Variants in LPP observed in about 807,000 individuals in gnomAD.
LPP encodes the protein LIM domain containing preferred translocation partner in lipoma.
Under a neutral mutation model 60.4 loss-of-function variants are expected in LPP, and 38 were observed. That is an observed-to-expected ratio of 0.63 (90% CI 0.49 to 0.83). LPP has a LOEUF of 0.83. Among genes scored for constraint, LPP ranks in the 40% least tolerant of loss-of-function variants. The probability of loss-of-function intolerance (pLI) is 0.00; values close to 1 mark genes in which losing one functional copy is unlikely to be tolerated. For synonymous variants in LPP, 328 were observed against 290.8 expected (o/e 1.13, Z -1.30); for missense variants, 902 against 783.6 (o/e 1.15, Z -1.80).
At chr3:188,624,220 A>ATTGTT (rs1304978410) in intron 7 of LPP, among the ~76,000 whole-genome samples, 3 of 152,200 alleles carry the variant, frequency 2.0e-5, no homozygotes, top group Admixed American at 2.0e-4. Context: ...CAGGACTAAC[A>ATTGTT]TTGTTTTGTA....
At chr3:188,784,237 C>T (rs1000889210) in intron 9 of LPP, among the ~76,000 whole-genome samples, 1 of 151,004 alleles carries the variant, frequency 6.6e-6, no homozygotes, top group African/African-American at 2.4e-5. Context: ...ATCCAGGTCA[C>T]TGTGAATGCC....
intron 9 of LPP, among the ~76,000 whole-genome samples, chr3:188,853,313 A>G (rs1763100615): frequency 6.6e-6 from 1 of 152,194 alleles, no homozygotes; most frequent in Non-Finnish European, 1.5e-5. Flanking sequence ...ATCTTTGAAA[A>G]TTACAACTTG....
intron 3 of LPP, among the ~76,000 whole-genome samples, chr3:188,372,588 C>T (rs1011059159): frequency 6.6e-6 from 1 of 151,804 alleles, no homozygotes; most frequent in African/African-American, 2.4e-5. Context: ...GATTAGTGTT[C>T]CCCTGGGCTT....
chr3:188,724,707 T>A (rs1436665587), intron 8 of LPP, among the ~76,000 whole-genome samples: 5 of 152,192 alleles, frequency 3.3e-5, no homozygotes, highest in Non-Finnish European at 5.9e-5. Flanking sequence ...GTAGCAATAT[T>A]TATGTCCAGA....
intron 2 of LPP, among the ~76,000 whole-genome samples, chr3:188,267,839 C>T (rs1050323919): frequency 2.0e-5 from 3 of 152,134 alleles, no homozygotes; most frequent in African/African-American, 2.4e-5. Flanking sequence ...AGCCCCAGGA[C>T]CCCCCAGACC....
chr3:188,623,955 G>C (rs370661172), intron 7 of LPP, among the ~76,000 whole-genome samples: 2 of 152,140 alleles, frequency 1.3e-5, no homozygotes, highest in African/African-American at 4.8e-5. Context: ...GGCAAGGCGA[G>C]GGGTGTATTT....
chr3:188,725,948 C>T (rs530862774), intron 8 of LPP, among the ~76,000 whole-genome samples: 2 of 152,046 alleles, frequency 1.3e-5, no homozygotes, highest in East Asian at 1.9e-4. Context: ...GAGACCAACA[C>T]CAAAAAAAGT....
chr3:188,371,658 T>A (rs1369830833), intron 3 of LPP, among the ~76,000 whole-genome samples: 3 of 95,760 alleles, frequency 3.1e-5, no homozygotes, highest in East Asian at 3.6e-4. Context: ...TTTTTTTTTT[T>A]TTTTTTTTTT....
At chr3:188,563,460 A>G (rs1473225) in intron 6 of LPP, among the ~76,000 whole-genome samples, 65,614 of 141,964 alleles carry the variant, frequency 0.46, 15,671 homozygotes, top group East Asian at 0.92. Context: ...TTACATATAT[A>G]TGTGTGTGTG....
At chr3:188,791,964 G>T (rs974357816) in intron 9 of LPP, among the ~76,000 whole-genome samples, 1 of 152,106 alleles carries the variant, frequency 6.6e-6, no homozygotes, top group African/African-American at 2.4e-5. Flanking sequence ...CATAGTAGAT[G>T]CTCTATTAGT....
At chr3:188,859,089 T>TA (rs35722501) in intron 9 of LPP, among the ~76,000 whole-genome samples, 218 of 103,916 alleles carry the variant, frequency 2.1e-3, no homozygotes, top group East Asian at 3.4e-3. Flanking sequence ...ACTCTGTCTT[T>TA]AAAAAAAAAA....
intron 2 of LPP, among the ~76,000 whole-genome samples, chr3:188,272,179 G>C (rs1302680625): frequency 6.6e-6 from 1 of 152,160 alleles, no homozygotes; most frequent in African/African-American, 2.4e-5. Flanking sequence ...GCAATTTGAG[G>C]CCTTCATTTC....
intron 3 of LPP, among the ~76,000 whole-genome samples, chr3:188,353,188 A>G (rs1766462670): frequency 6.6e-6 from 1 of 152,138 alleles, no homozygotes; most frequent in Non-Finnish European, 1.5e-5. Context: ...GGTCCTCGGG[A>G]GCAGAAATTG....
intron 3 of LPP, among the ~76,000 whole-genome samples, chr3:188,378,966 A>G (rs976672286): frequency 2.0e-5 from 3 of 152,150 alleles, no homozygotes; most frequent in Admixed American, 2.0e-4. Flanking sequence ...GAGAAGGGGA[A>G]GGGTGTGGGC....
At chr3:188,700,612 G>T (rs139475364) in intron 7 of LPP, among the ~76,000 whole-genome samples, 20 of 152,250 alleles carry the variant, frequency 1.3e-4, no homozygotes, top group African/African-American at 4.8e-4. Context: ...GTGTGTTCTT[G>T]ATTTCATGCC....
chr3:188,334,867 G>GATAAT (rs1761210901), intron 2 of LPP, among the ~76,000 whole-genome samples: 1 of 151,936 alleles, frequency 6.6e-6, no homozygotes, highest in Non-Finnish European at 1.5e-5. Flanking sequence ...TTTTGTCTCT[G>GATAAT]ATAATAGCTA....
At chr3:188,798,061 C>G (rs550953159) in intron 9 of LPP, among the ~76,000 whole-genome samples, 1 of 151,548 alleles carries the variant, frequency 6.6e-6, no homozygotes, top group East Asian at 2.0e-4. Context: ...ATGTCAGGTT[C>G]CCAGGAAGGC....
At chr3:188,577,225 G>C (rs1165916720) in intron 6 of LPP, among the ~76,000 whole-genome samples, 1 of 151,964 alleles carries the variant, frequency 6.6e-6, no homozygotes, top group Non-Finnish European at 1.5e-5. Flanking sequence ...GTAGGGCTTT[G>C]GATTTAAAAA....
At chr3:188,771,187 AT>A (rs1735835525) in intron 9 of LPP, among the ~76,000 whole-genome samples, 2 of 152,182 alleles carry the variant, frequency 1.3e-5, no homozygotes, top group South Asian at 4.1e-4. Flanking sequence ...CACCAATAAT[AT>A]TGTAAAAGTC....
Sources: gnomAD v4.1 joint callset for allele counts (sites outside exome capture counted in the v4.1 genomes callset) on GRCh38, gnomAD v4.1.1 for gene constraint, MANE v1.5 for transcripts, NCBI Gene and HGNC (gene_info 2026-07-23, HGNC 2026-07-21) for gene names.